SIK2: variants seen among roughly 807,000 people sequenced by gnomAD.
SIK2 encodes salt inducible kinase 2.
SIK2 carries 29 observed loss-of-function variants against 103.2 expected under a neutral mutation model. The observed-to-expected ratio is 0.28, with a 90% CI of 0.21 to 0.38. The LOEUF (loss-of-function observed/expected upper bound fraction) is 0.38. Among genes scored for constraint, SIK2 ranks in the 10% least tolerant of loss-of-function variants. SIK2 has a pLI of 1.00. For synonymous variants in SIK2, 412 were observed against 446.1 expected (o/e 0.92, Z 0.96); for missense variants, 879 against 1,171.0 (o/e 0.75, Z 3.64).
At chr11:111,715,772 G>A (rs1037926326) in intron 9 of SIK2, among the ~76,000 whole-genome samples, 2 of 141,806 alleles carry the variant, frequency 1.4e-5, no homozygotes, top group Non-Finnish European at 3.1e-5. Flanking sequence ...ACATATACAC[G>A]CACACTTGAG....
In SIK2 at chr11:111,673,974, T is replaced by G. The variant is rs73560674; in HGVS notation, c.317-14027T>G. Among the ~76,000 whole-genome samples, 1,413 of 151,250 alleles carry G rather than the reference T, an allele frequency of 9.3e-3. 33 individuals are homozygous for G. The highest frequency in any genetic ancestry group is 0.032 in the African/African-American group (1,327 of 41,104). On this transcript the variant is annotated intron_variant, in intron 3 of 14. Transcript: ENST00000304987. ...CTGTAATCCCAGCTACTCGGGAGGC[T>G]GAGGCAGGAGAATCACTTGAACCCG...
At position 111,721,059 on chromosome 11, in the gene SIK2, T is replaced by G. The variant is rs748884906; in HGVS notation, c.1941T>G (p.Pro647=). ...PQLQDLASSC[P]QEEVSQQQES... Reference sequence around the variant, plus strand: ...TCCAGGACCTTGCTAGCAGCTGCCCTCAGGTGGGTACCTTGGGCCCTTCCC... The same window carrying G: ...TCCAGGACCTTGCTAGCAGCTGCCCGCAGGTGGGTACCTTGGGCCCTTCCC... Residue 647 remains proline, a synonymous_variant, in exon 12 of 15, where the codon CCT becomes CCG. Coordinates refer to ENST00000304987, the MANE Select transcript of SIK2 (RefSeq NM_015191.3). The G allele has an allele frequency of 6.2e-7, 1 of 1,612,636 alleles. No individual in the cohort carries two copies. The highest frequency in any genetic ancestry group is 2.2e-5 in the East Asian group (1 of 44,874).
chr11:111,652,011 CA>C (rs2135864315), intron 3 of SIK2, among the ~76,000 whole-genome samples: 1 of 152,276 alleles, frequency 6.6e-6, no homozygotes, highest in South Asian at 2.1e-4. Flanking sequence ...ATTTATCTCA[CA>C]TAACTTTATA....
intron 3 of SIK2, chr11:111,672,156 A>G (rs529595877): frequency 6.8e-6 from 3 of 438,756 alleles, no homozygotes; most frequent in Non-Finnish European, 1.3e-5. Flanking sequence ...CTTCCAGCTT[A>G]AAAGAGCTTA....
At chr11:111,607,306 A>G (rs994156912) in intron 1 of SIK2, among the ~76,000 whole-genome samples, 3 of 152,204 alleles carry the variant, frequency 2.0e-5, no homozygotes, top group Non-Finnish European at 4.4e-5. Flanking sequence ...TGGGGATTTT[A>G]TAGTTAGGCC....
chr11:111,618,538 A>G (rs1941838688), intron 2 of SIK2, among the ~76,000 whole-genome samples: 1 of 152,112 alleles, frequency 6.6e-6, no homozygotes, highest in Admixed American at 6.5e-5. Flanking sequence ...GTGCAGTGAC[A>G]TGTAGTCCCA....
intron 3 of SIK2, among the ~76,000 whole-genome samples, chr11:111,631,854 T>C (rs1942044579): frequency 6.6e-6 from 1 of 152,038 alleles, no homozygotes; most frequent in Admixed American, 6.6e-5. Flanking sequence ...TGACTAGGCT[T>C]ACGCCAAAAG....
At chr11:111,707,353 G>A (rs571449692) in intron 8 of SIK2, among the ~76,000 whole-genome samples, 5 of 152,182 alleles carry the variant, frequency 3.3e-5, no homozygotes, top group Admixed American at 1.3e-4. Context: ...CAAATTCCCC[G>A]GCATATCTCA....
intron 4 of SIK2, among the ~76,000 whole-genome samples, chr11:111,696,725 G>T (rs1943079792): frequency 6.6e-6 from 1 of 152,168 alleles, no homozygotes; most frequent in Non-Finnish European, 1.5e-5. Flanking sequence ...ATTTTGTGTT[G>T]TTGCAAGACT....
chr11:111,633,058 A>C (rs1942059346), intron 3 of SIK2, among the ~76,000 whole-genome samples: 1 of 152,158 alleles, frequency 6.6e-6, no homozygotes, highest in Non-Finnish European at 1.5e-5. Flanking sequence ...ACCCATAGCT[A>C]AGCTAATCTC....
chr11:111,699,318 T>C (rs555189851), intron 4 of SIK2, among the ~76,000 whole-genome samples: 1 of 152,304 alleles, frequency 6.6e-6, no homozygotes, highest in African/African-American at 2.4e-5. Flanking sequence ...CTCTAAACTT[T>C]TTCTACCCCT....
chr11:111,602,838 G>A lies in SIK2; in HGVS notation c.135+140G>A. 7.9e-7 allele frequency: 1 copy of A among 1,264,696 alleles called. No homozygotes were observed. The highest frequency in any genetic ancestry group is 3.1e-5 in the East Asian group (1 of 32,000). The allele number at this position is 1,264,696 out of a possible 1,614,324, so 78.3% of individuals were successfully genotyped here. ...GGCGGAGGCGAGCGGGCCTGGGACT[G>A]TGAGGACCCAGGAGGTGCAGGGGGT... On this transcript the variant is annotated intron_variant, in intron 1 of 14. Coordinates refer to ENST00000304987, the MANE Select transcript of SIK2 (RefSeq NM_015191.3). The surrounding 1 kb of genome is among the most constrained non-coding windows in gnomAD (Gnocchi z 4.5).
At chr11:111,649,035 TA>T (rs1565330735) in intron 3 of SIK2, among the ~76,000 whole-genome samples, 2 of 152,346 alleles carry the variant, frequency 1.3e-5, no homozygotes, top group South Asian at 4.1e-4. Context: ...GAATACTTTT[TA>T]CTCTTTCCTA....
At chr11:111,605,338 T>C (rs1941636122) in intron 1 of SIK2, among the ~76,000 whole-genome samples, 1 of 152,222 alleles carries the variant, frequency 6.6e-6, no homozygotes, top group Non-Finnish European at 1.5e-5. Context: ...TTATTTATCC[T>C]TATTCGTTCA....
intron 3 of SIK2, among the ~76,000 whole-genome samples, chr11:111,667,719 C>T (rs907190549): frequency 6.6e-6 from 1 of 151,998 alleles, no homozygotes; most frequent in Non-Finnish European, 1.5e-5. Context: ...TGTTGAACTC[C>T]TGACCTCAAG....
chr11:111,706,094 G>A (rs1943338225), intron 8 of SIK2, among the ~76,000 whole-genome samples: 1 of 152,158 alleles, frequency 6.6e-6, no homozygotes, highest in Admixed American at 6.5e-5. Flanking sequence ...AGTTTCTTAA[G>A]GTCTTTTTGT....
At chr11:111,631,126 G>A (rs149921514) in intron 3 of SIK2, among the ~76,000 whole-genome samples, 1 of 152,304 alleles carries the variant, frequency 6.6e-6, no homozygotes, top group East Asian at 1.9e-4. Context: ...CATTGGTGCA[G>A]TTACAATGAT....
At chr11:111,650,525 A>G (rs1472870291) in intron 3 of SIK2, among the ~76,000 whole-genome samples, 1 of 152,190 alleles carries the variant, frequency 6.6e-6, no homozygotes, top group Non-Finnish European at 1.5e-5. Context: ...TAGTAGAGTT[A>G]TAAAATCTTT....
chr11:111,639,895 C>T (rs375558611), intron 3 of SIK2, among the ~76,000 whole-genome samples: 40 of 152,008 alleles, frequency 2.6e-4, no homozygotes, highest in African/African-American at 9.4e-4. Context: ...TCCTTTTTTT[C>T]CCCAGCCACC....
Sources: gnomAD v4.1 joint callset for allele counts (sites outside exome capture counted in the v4.1 genomes callset) on GRCh38, gnomAD v4.1.1 for gene constraint, Gnocchi (gnomAD v3.1) non-coding constraint, MANE v1.5 for transcripts, NCBI Gene and HGNC (gene_info 2026-07-23, HGNC 2026-07-21) for gene names.